NRAP: variants seen among roughly 807,000 people sequenced by gnomAD.
NRAP encodes the protein nebulin-related-anchoring protein.
NRAP carries 189 observed loss-of-function variants against 225.9 expected under a neutral mutation model. The ratio of observed to expected loss-of-function variants is 0.84; its 90% CI spans 0.74 to 0.94. The LOEUF (loss-of-function observed/expected upper bound fraction) is 0.94. Ranked by LOEUF, NRAP falls within the 40% of genes least tolerant of loss-of-function variation. The probability of loss-of-function intolerance (pLI) is 0.00; values close to 1 mark genes in which losing one functional copy is unlikely to be tolerated. For missense variants in NRAP, 2,176 were observed against 2,168.7 expected (o/e 1.00, Z -0.07); for synonymous variants, 769 against 790.7 (o/e 0.97, Z 0.46).
At chr10:113,598,596 T>C (rs1024565254) in intron 35 of NRAP, among the ~76,000 whole-genome samples, 1 of 152,114 alleles carries the variant, frequency 6.6e-6, no homozygotes, top group Non-Finnish European at 1.5e-5. Context: ...TAAAAACACC[T>C]GCTAGTAGTC....
In NRAP at chr10:113,630,746, C is replaced by T. The variant is rs541982217; in HGVS notation, c.1842+763G>A. On this transcript the variant is annotated intron_variant, in intron 18 of 41. Coordinates refer to ENST00000359988, the MANE Select transcript of NRAP (RefSeq NM_198060.4). ...CTTCATTCGGCTTGTTCTGTAGACA[C>T]ATCCAAAATGGCGACCCAGATGCCA... is the stretch of plus-strand genomic sequence containing the variant. 7.9e-5 allele frequency among the ~76,000 whole-genome samples: 12 copies of T among 152,330 alleles called. No individual in the cohort carries two copies. The South Asian group carries it at 8.3e-4, about 11-fold the overall frequency.
chr10:113,628,681 G>A (rs928647237), intron 20 of NRAP, among the ~76,000 whole-genome samples: 1 of 152,178 alleles, frequency 6.6e-6, no homozygotes, highest in Non-Finnish European at 1.5e-5. Flanking sequence ...TTATTCTTTG[G>A]ATGTAACTGC....
Position 113,628,968 on chromosome 10 carries a change from C to G in NRAP, c.2094G>C (p.Glu698Asp), listed in dbSNP as rs371901467. ...TGGCTTGTTCCAAGTTGAGACTCCC[C>G]TCTGTCAGCCACCCAACTCCCTTCA... ...AWMKGVGWLT[E>D]GSLNLEQAKK... Residue 698 changes from glutamate to aspartate, a missense_variant, in exon 20 of 42, where the codon GAG becomes GAC. Glu to Asp is a conservative substitution (Grantham distance 45). Coordinates refer to ENST00000359988, the MANE Select transcript of NRAP (RefSeq NM_198060.4). 1.9e-6 allele frequency: 3 copies of G among 1,613,682 alleles called. No homozygotes were observed. The highest frequency in any genetic ancestry group is 2.5e-6 in the Non-Finnish European group (3 of 1,179,770).
chr10:113,620,395 G>A (rs1008313597), intron 25 of NRAP, among the ~76,000 whole-genome samples: 1 of 152,080 alleles, frequency 6.6e-6, no homozygotes, highest in Non-Finnish European at 1.5e-5. Context: ...AATATCATTT[G>A]TCACCCACTT....
chr10:113,613,679 G>C (rs1847463663), intron 29 of NRAP, among the ~76,000 whole-genome samples: 1 of 152,120 alleles, frequency 6.6e-6, no homozygotes, highest in South Asian at 2.1e-4. Flanking sequence ...GCATAAAGAA[G>C]TAAAGCAGGA....
intron 7 of NRAP, among the ~76,000 whole-genome samples, chr10:113,651,032 T>G (rs543055882): frequency 6.6e-6 from 1 of 152,374 alleles, no homozygotes; most frequent in East Asian, 1.9e-4. Flanking sequence ...AAAAGTTGTT[T>G]AGAAATTATG....
chr10:113,603,831 T>C (rs901650489), intron 35 of NRAP, among the ~76,000 whole-genome samples: 21 of 152,150 alleles, frequency 1.4e-4, no homozygotes, highest in Non-Finnish European at 3.1e-4. Context: ...TGCTCAAATA[T>C]CAACTTTTCA....
At chr10:113,660,801 G>C (rs1161653230) in intron 3 of NRAP, among the ~76,000 whole-genome samples, 1 of 152,092 alleles carries the variant, frequency 6.6e-6, no homozygotes, top group African/African-American at 2.4e-5. Flanking sequence ...TTGTCTTCTG[G>C]AGAGTTTGCC....
chr10:113,592,252 A>G lies in NRAP; in HGVS notation c.4586T>C (p.Phe1529Ser), dbSNP rs1846034143. Residue 1529 changes from phenylalanine (F) to serine (S), a missense_variant, in exon 39 of 42, where the codon TTC becomes TCC. Physicochemically the swap from Phe to Ser is radical, Grantham distance 155. Transcript: ENST00000359988. ...CTGGAAGGGGATGGCATCCAGCCTGAAGTCATAACTGCCAGCCCGGGTCTG... is the reference window on the plus strand; with the variant it reads ...CTGGAAGGGGATGGCATCCAGCCTGGAGTCATAACTGCCAGCCCGGGTCTG... ...WEQTRAGSYD[F>S]RLDAIPFQTA... 1.2e-6 allele frequency: 2 copies of G among 1,612,998 alleles called. No individual in the cohort carries two copies. Among genetic ancestry groups the G allele is most frequent in the East Asian group, 4.5e-5 (2 of 44,830 alleles).
rs148648794 is a variant in NRAP, at chr10:113,614,175, C to G, written c.3300+8G>C. 1,099 of 1,586,892 alleles carry G rather than the reference C, an allele frequency of 6.9e-4. 7 individuals are homozygous for G. In the African/African-American group the frequency reaches 0.013, roughly 19 times the overall value. On this transcript the variant is annotated splice_region_variant and intron_variant, in intron 29 of 41. Coordinates refer to ENST00000359988, the MANE Select transcript of NRAP (RefSeq NM_198060.4). ...CCTGCAGCCGCTGATGCCTCTCCCC[C>G]CACTTACATCACTCTGCAGTGAGGT...
In NRAP at chr10:113,631,593, T is replaced by G. The variant is rs1401845693; in HGVS notation, c.1758A>C (p.Glu586Asp). 5.0e-6 allele frequency: 8 copies of G among 1,607,886 alleles called. No individual in the cohort carries two copies. In the East Asian group the frequency reaches 8.9e-5, roughly 18 times the overall value. ...TGGCTTTGCCTTTTGTCTTTTCATA[T>G]TCTTCTTTATATTTAATCTTGAGAG... is the stretch of plus-strand genomic sequence containing the variant. The part of the protein sequence containing the change: ...ELASNIKYKE[E>D]YEKTKGKAMG... The change falls in exon 18 of 42, where the codon GAA becomes GAC. Residue 586 changes from glutamate (E) to aspartate (D), a missense_variant. Physicochemically the swap from Glu to Asp is conservative, Grantham distance 45. This residue lies in a region of NRAP where 1,708 missense variants were observed against 1,695.5 expected (regional missense o/e 1.01). Coordinates refer to ENST00000359988, the MANE Select transcript of NRAP (RefSeq NM_198060.4).
chr10:113,623,751 C>T (rs1396141225), intron 22 of NRAP, 115 bp from the exon 23 acceptor site: 2 of 687,426 alleles, frequency 2.9e-6, no homozygotes, highest in Non-Finnish European at 5.1e-6. Flanking sequence ...ATTATTACGT[C>T]CTTCTCTGAG....
At chr10:113,663,512 T>A in intron 1 of NRAP, 66 bp from the exon 2 acceptor site, 1 of 1,011,612 alleles carries the variant, frequency 9.9e-7, no homozygotes, top group Non-Finnish European at 1.5e-6. Context: ...TTCTTATATA[T>A]TTTAGGGTAA....
In NRAP at chr10:113,595,849, A is replaced by C. The variant is rs1846259933; in HGVS notation, c.4432-122T>G. 22 of 603,672 alleles carry C rather than the reference A, an allele frequency of 3.6e-5. No individual in the cohort carries two copies. The South Asian group carries it at 5.2e-4, about 14-fold the overall frequency. The allele number at this position is 603,672 out of a possible 1,614,324, so 37.4% of individuals were successfully genotyped here. ...GTGCCCACCGCATAGAACAGAACCC[A>C]GTCCTGCCCATGGACAGTGTCCCTC... On this transcript the variant is annotated intron_variant, in intron 37 of 41. Coordinates refer to ENST00000359988, the MANE Select transcript of NRAP (RefSeq NM_198060.4).
chr10:113,622,139 G>A lies in NRAP; in HGVS notation c.2499C>T (p.Leu833=). Residue 833 remains leucine (L), a synonymous_variant, in exon 24 of 42, where the codon CTC becomes CTT. Transcript: ENST00000359988. The stretch of plus-strand genomic sequence containing the variant: ...CTCCCTGTACATCTTTTGCCCCAAT[G>A]AGCTTCCCTCTGGATCTCTCATAAT... The part of the protein sequence containing the change: ...KEDYERSRGK[L]IGAKDVQGDS... 3 of 1,614,032 alleles carry A rather than the reference G, an allele frequency of 1.9e-6. No individual in the cohort carries two copies. The highest frequency in any genetic ancestry group is 2.2e-5 in the South Asian group (2 of 91,074).
At chr10:113,621,298 C>T (rs1036982284) in intron 24 of NRAP, among the ~76,000 whole-genome samples, 3 of 138,974 alleles carry the variant, frequency 2.2e-5, no homozygotes, top group African/African-American at 8.0e-5. Flanking sequence ...AACAGCTCTA[C>T]CAGGAAGGGT....
chr10:113,616,443 C>A (rs1210752571), intron 26 of NRAP, among the ~76,000 whole-genome samples: 1 of 152,168 alleles, frequency 6.6e-6, no homozygotes, highest in African/African-American at 2.4e-5. Flanking sequence ...CACAGCAGTG[C>A]CCCCTAGAGT....
intron 11 of NRAP, among the ~76,000 whole-genome samples, chr10:113,643,612 T>C (rs11196403): frequency 0.024 from 3,686 of 152,356 alleles, 64 homozygotes; most frequent in Non-Finnish European, 0.035. Context: ...CAGTTGGCTA[T>C]TTGAGCTCTC....
intron 9 of NRAP, among the ~76,000 whole-genome samples, chr10:113,649,088 T>A (rs1035967148): frequency 4.6e-5 from 7 of 152,188 alleles, no homozygotes; most frequent in Admixed American, 2.0e-4. Flanking sequence ...GACCACTTAA[T>A]TAACTTAGAG....
Sources: allele counts gnomAD v4.1 joint callset (sites outside exome capture counted in the v4.1 genomes callset), GRCh38; gene constraint gnomAD v4.1.1; regional missense constraint gnomAD v4.1.1; transcripts MANE v1.5; gene names NCBI Gene and HGNC (gene_info 2026-07-23, HGNC 2026-07-21).